Variants in POLN observed in about 807,000 individuals in gnomAD.
POLN encodes the protein DNA polymerase N.
Under a neutral mutation model 113.5 loss-of-function variants are expected in POLN, and 108 were observed. The ratio of observed to expected loss-of-function variants is 0.95; its 90% CI spans 0.81 to 1.12. The LOEUF (loss-of-function observed/expected upper bound fraction) is 1.12, where lower values mean the gene tolerates loss of function less well. POLN is among the 50% of genes most tolerant of loss of function. The pLI is 0.00. For missense variants in POLN, 1,097 were observed against 1,077.1 expected (o/e 1.02, Z -0.26); for synonymous variants, 386 against 391.5 (o/e 0.99, Z 0.17).
intron 17 of POLN, 36 bp from the exon 18 acceptor site, chr4:2,129,292 G>A: frequency 7.4e-7 from 1 of 1,355,632 alleles, no homozygotes; most frequent in South Asian, 1.2e-5. Flanking sequence ...AGTGAATTTG[G>A]TCATGAACTG....
At chr4:2,221,918 C>T (rs1473609983) in intron 3 of POLN, among the ~76,000 whole-genome samples, 1 of 152,154 alleles carries the variant, frequency 6.6e-6, no homozygotes, top group East Asian at 1.9e-4. Context: ...TTCGAGTTGT[C>T]CCGCCTTACC....
At position 2,240,239 on chromosome 4, in the gene POLN, G is replaced by A. The variant is rs769486706; in HGVS notation, c.-13+1281C>T. 3 of 1,613,464 alleles carry A rather than the reference G, an allele frequency of 1.9e-6. No individual in the cohort carries two copies. The South Asian group carries it at 3.3e-5, about 18-fold the overall frequency. On this transcript the variant is annotated intron_variant, in intron 2 of 25. Transcript: ENST00000511885. ...TCTGTATATCTAAAAGTTGAAAATTGTCTTCATTTGAACTTTCAACTACTT... is the reference window on the plus strand; with the variant it reads ...TCTGTATATCTAAAAGTTGAAAATTATCTTCATTTGAACTTTCAACTACTT...
In POLN at chr4:2,174,682, G is replaced by A. The variant is rs183843885; in HGVS notation, c.1309+9C>T. The A allele has an allele frequency of 1.7e-4, 275 of 1,601,212 alleles. No individual in the cohort carries two copies. In the African/African-American group the frequency reaches 3.2e-3, roughly 19 times the overall value. ...AAAATGGCTGTACTTCATCTTTATGGTAACTTACCTGCCAAAATTGGTATC... is the reference window on the plus strand; with the variant it reads ...AAAATGGCTGTACTTCATCTTTATGATAACTTACCTGCCAAAATTGGTATC... On this transcript the variant is annotated intron_variant, in intron 10 of 25. Transcript: ENST00000511885.
rs1481447773 is a variant in POLN, at chr4:2,072,185, G to A, written c.2632C>T (p.Leu878=). The A allele has an allele frequency of 1.2e-6, 2 of 1,611,324 alleles. No homozygotes were observed. The highest frequency in any genetic ancestry group is 1.7e-6 in the Non-Finnish European group (2 of 1,178,694). ...CTGGCAGGGGACCCAGGGGCAGCCAGGCTGTTGCTGGGAGACTCAGTGCGA... is the reference window on the plus strand; with the variant it reads ...CTGGCAGGGGACCCAGGGGCAGCCAAGCTGTTGCTGGGAGACTCAGTGCGA... ...PCRTESPSNS[L]AAPGSPASTQ... is the part of the protein sequence containing the mutation. Residue 878 remains leucine, a synonymous_variant, in exon 26 of 26, where the codon CTG becomes TTG. Coordinates refer to ENST00000511885, the MANE Select transcript of POLN (RefSeq NM_181808.4).
At chr4:2,122,994 A>G (rs1209956777) in intron 19 of POLN, among the ~76,000 whole-genome samples, 1 of 151,842 alleles carries the variant, frequency 6.6e-6, no homozygotes, top group African/African-American at 2.4e-5. Context: ...CTCTACCAAA[A>G]AGAAAAAAAA....
At chr4:2,179,112 T>C (rs1327827334) in intron 8 of POLN, among the ~76,000 whole-genome samples, 196 bp downstream of exon 8, 2 of 152,210 alleles carry the variant, frequency 1.3e-5, no homozygotes, top group Non-Finnish European at 2.9e-5. Flanking sequence ...ACAGGTGCCA[T>C]AGAAGAACAG....
chr4:2,150,167 G>A (rs1171977761), intron 16 of POLN, among the ~76,000 whole-genome samples: 1 of 151,870 alleles, frequency 6.6e-6, no homozygotes, highest in Admixed American at 6.6e-5. Flanking sequence ...CACACAAATA[G>A]TTTAAAAGTA....
In POLN at chr4:2,232,109, G is replaced by T. The variant is rs1259110981; in HGVS notation, c.-12-2866C>A. On this transcript the variant is annotated intron_variant, in intron 2 of 25. Transcript: ENST00000511885. ...TCAGCAAGAATATCAGTGAGGAGATGATTTAGCTTATTCAGTTGAGATTCA... is the reference window on the plus strand; with the variant it reads ...TCAGCAAGAATATCAGTGAGGAGATTATTTAGCTTATTCAGTTGAGATTCA... The T allele has an allele frequency of 1.9e-6, 3 of 1,598,268 alleles. No homozygotes were observed. The highest frequency in any genetic ancestry group is 2.6e-6 in the Non-Finnish European group (3 of 1,174,116).
chr4:2,232,674 CAT>C (rs141637875), intron 2 of POLN, among the ~76,000 whole-genome samples: 6,145 of 152,218 alleles, frequency 0.04, 448 homozygotes, highest in African/African-American at 0.14. Flanking sequence ...TAGAATTACA[CAT>C]GACATTCCAC....
Position 2,131,285 on chromosome 4 carries a change from G to T in POLN, c.1737C>A (p.Ile579=). The change falls in exon 17 of 26, where the codon ATC becomes ATA. Residue 579 remains isoleucine, a synonymous_variant. Coordinates refer to ENST00000511885, the MANE Select transcript of POLN (RefSeq NM_181808.4). The part of the protein sequence containing the change: ...TGRLSAKHPN[I]QGISKHPIQI... Reference sequence around the variant, plus strand: ...GAATTGGGTGCTTGGAGATACCTTGGATATTCTGTTAATAATAAGAGACTA... The same window carrying T: ...GAATTGGGTGCTTGGAGATACCTTGTATATTCTGTTAATAATAAGAGACTA... 1 of 1,579,036 alleles carries T rather than the reference G, an allele frequency of 6.3e-7. No individual in the cohort carries two copies. The highest frequency in any genetic ancestry group is 1.1e-5 in the South Asian group (1 of 89,856).
intron 7 of POLN, 86 bp from the exon 8 acceptor site, chr4:2,179,551 A>G (rs1007900506): frequency 3.0e-5 from 38 of 1,271,642 alleles, no homozygotes; most frequent in African/African-American, 6.1e-5. Context: ...GTTCAAACGA[A>G]TAGTAGTAGT....
At chr4:2,141,923 G>A (rs1020321046) in intron 16 of POLN, among the ~76,000 whole-genome samples, 2 of 152,108 alleles carry the variant, frequency 1.3e-5, no homozygotes, top group East Asian at 3.9e-4. Context: ...TAACCCAGAG[G>A]GGCCAGAGGA....
intron 3 of POLN, among the ~76,000 whole-genome samples, chr4:2,218,888 C>G (rs1300710312): frequency 6.6e-6 from 1 of 152,190 alleles, no homozygotes; most frequent in Non-Finnish European, 1.5e-5. Flanking sequence ...CTGTGAGCAC[C>G]TACCTGGTGA....
chr4:2,175,083 C>T lies in POLN; in HGVS notation c.1249-332G>A, dbSNP rs559897316. 7.6e-4 allele frequency among the ~76,000 whole-genome samples: 115 copies of T among 152,228 alleles called. 1 individual carries two copies. The highest frequency in any genetic ancestry group is 2.6e-3 in the African/African-American group (109 of 41,540). On this transcript the variant is annotated intron_variant, in intron 9 of 25. Transcript: ENST00000511885. ...AAGTGATCTGCCCACCTTGGCCTCCCGAAGTGCTGGGATTACAGGCATGAG... is the reference window on the plus strand; with the variant it reads ...AAGTGATCTGCCCACCTTGGCCTCCTGAAGTGCTGGGATTACAGGCATGAG...
At chr4:2,147,194 G>C (rs1260375543) in intron 16 of POLN, among the ~76,000 whole-genome samples, 4 of 152,204 alleles carry the variant, frequency 2.6e-5, no homozygotes, top group Non-Finnish European at 4.4e-5. Flanking sequence ...TTCTGAGCCA[G>C]TATCATGAGT....
At chr4:2,236,431 T>C in intron 2 of POLN, 1 of 1,612,352 alleles carries the variant, frequency 6.2e-7, no homozygotes, top group Non-Finnish European at 8.5e-7. Flanking sequence ...TTTTTCTTAT[T>C]CTCTCCCTCC....
intron 11 of POLN, among the ~76,000 whole-genome samples, chr4:2,171,898 G>T (rs1732871482): frequency 6.6e-6 from 1 of 152,036 alleles, no homozygotes; most frequent in Non-Finnish European, 1.5e-5. Context: ...GGGAAAGAAA[G>T]AATCAATTCT....
intron 2 of POLN, among the ~76,000 whole-genome samples, chr4:2,237,569 G>T (rs1734811381): frequency 6.6e-6 from 1 of 152,130 alleles, no homozygotes; most frequent in Admixed American, 6.6e-5. Flanking sequence ...CAATGAATTT[G>T]AAACGGAAGA....
At chr4:2,133,700 C>CT (rs1731784031) in intron 16 of POLN, among the ~76,000 whole-genome samples, 1 of 152,152 alleles carries the variant, frequency 6.6e-6, no homozygotes, top group African/African-American at 2.4e-5. Flanking sequence ...TGTCTTTTGT[C>CT]TTTAAGACTC....
Sources: gnomAD v4.1 joint callset for allele counts (sites outside exome capture counted in the v4.1 genomes callset) on GRCh38, gnomAD v4.1.1 for gene constraint, MANE v1.5 for transcripts, NCBI Gene and HGNC (gene_info 2026-07-23, HGNC 2026-07-21) for gene names.